The following ACVR1 variants were observed in gnomAD, a reference collection of about 807,000 sequenced individuals.
ACVR1 encodes the protein activin receptor type-1.
A neutral mutation model predicts 57.1 loss-of-function variants in ACVR1; 38 were observed. The ratio of observed to expected loss-of-function variants is 0.67; its 90% CI spans 0.51 to 0.87. The LOEUF is 0.87. ACVR1 is among the 40% of genes least tolerant of loss of function. The probability of loss-of-function intolerance (pLI) is 0.00; values close to 1 mark genes in which losing one functional copy is unlikely to be tolerated. For synonymous variants in ACVR1, 212 were observed against 228.1 expected (o/e 0.93, Z 0.63); for missense variants, 463 against 638.2 (o/e 0.73, Z 2.96).
At chr2:157,744,305 G>C (rs1684881895) in intron 9 of ACVR1, among the ~76,000 whole-genome samples, 1 of 152,102 alleles carries the variant, frequency 6.6e-6, no homozygotes, top group Admixed American at 6.6e-5. Context: ...AGCTATTTTA[G>C]AGAGGGAAAA....
At chr2:157,809,851 G>C (rs1364533349) in intron 2 of ACVR1, among the ~76,000 whole-genome samples, 2 of 152,090 alleles carry the variant, frequency 1.3e-5, no homozygotes, top group African/African-American at 4.8e-5. Flanking sequence ...GAGGCAGGAG[G>C]ATCACTTGAG....
chr2:157,767,449 T>C (rs1401268737), intron 7 of ACVR1, among the ~76,000 whole-genome samples: 1 of 152,178 alleles, frequency 6.6e-6, no homozygotes, highest in African/African-American at 2.4e-5. Flanking sequence ...TTGCCTTTTC[T>C]GCTACAGAGG....
intron 1 of ACVR1, among the ~76,000 whole-genome samples, chr2:157,860,784 G>A (rs557433118): frequency 3.6e-4 from 54 of 152,086 alleles, no homozygotes; most frequent in Non-Finnish European, 6.3e-4. Flanking sequence ...CTCCTTTGCA[G>A]GTGGTCGACT....
At chr2:157,747,816 A>G (rs1175735825) in intron 9 of ACVR1, among the ~76,000 whole-genome samples, 1 of 152,084 alleles carries the variant, frequency 6.6e-6, no homozygotes, top group Non-Finnish European at 1.5e-5. Context: ...ACAGAGAACA[A>G]AAGAGAAAAT....
intron 1 of ACVR1, among the ~76,000 whole-genome samples, chr2:157,858,551 A>T (rs1410091480): frequency 2.0e-5 from 3 of 152,164 alleles, no homozygotes; most frequent in African/African-American, 4.8e-5. Context: ...GGCTCACTGC[A>T]ACCTCCATCT....
At chr2:157,854,760 G>A (rs908007172) in intron 1 of ACVR1, among the ~76,000 whole-genome samples, 5 of 150,768 alleles carry the variant, frequency 3.3e-5, no homozygotes, top group Non-Finnish European at 7.4e-5. Context: ...TTCAGGCCGG[G>A]TGCGACCGAT....
Position 157,780,372 on chromosome 2 carries a change from C to T in ACVR1, c.296G>A (p.Cys99Tyr). 1 of 1,614,182 alleles carries T rather than the reference C, an allele frequency of 6.2e-7. No homozygotes were observed. The highest frequency in any genetic ancestry group is 8.5e-7 in the Non-Finnish European group (1 of 1,180,012). ...QAVECCQGDW[C>Y]NRNITAQLPT... The stretch of plus-strand genomic sequence containing the variant: ...CAGCTGGGCCGTGATGTTCCTGTTA[C>T]ACCAGTCCCCTTGGCAGCACTCCAC... Residue 99 changes from cysteine (C) to tyrosine (Y), a missense_variant, in exon 4 of 11, where the codon TGT becomes TAT. Around this residue, in one of 3 missense-constraint regions of ACVR1, gnomAD observed 203 missense variants for 235.5 expected, o/e 0.86. Coordinates refer to ENST00000434821, the MANE Select transcript of ACVR1 (RefSeq NM_001111067.4).
chr2:157,780,488 G>C lies in ACVR1; in HGVS notation c.180C>G (p.Asn60Lys). 6.2e-7 allele frequency: 1 copy of C among 1,614,124 alleles called. No individual in the cohort carries two copies. The highest frequency in any genetic ancestry group is 8.5e-7 in the Non-Finnish European group (1 of 1,180,018). ...CTTTCTGGTAGACGTGGAAGCCATC[G>C]TTGATGCTCAGTGAGGAAAAGCACT... ...GQQCFSSLSI[N>K]DGFHVYQKGC... is the part of the protein sequence containing the mutation. The change falls in exon 4 of 11, where the codon AAC (asparagine) becomes AAG (lysine). Residue 60 changes from asparagine to lysine, a missense_variant. Asn to Lys is a moderately conservative substitution (Grantham distance 94). This residue lies in a region of ACVR1 where 203 missense variants were observed against 235.5 expected (regional missense o/e 0.86). Coordinates refer to ENST00000434821, the MANE Select transcript of ACVR1 (RefSeq NM_001111067.4).
intron 7 of ACVR1, among the ~76,000 whole-genome samples, chr2:157,766,569 A>C (rs1685868376): frequency 6.6e-6 from 1 of 152,228 alleles, no homozygotes; most frequent in Non-Finnish European, 1.5e-5. Context: ...AAGAACATCA[A>C]ATCTAAAACC....
chr2:157,832,212 A>G (rs1396322402), intron 1 of ACVR1, among the ~76,000 whole-genome samples: 1 of 151,864 alleles, frequency 6.6e-6, no homozygotes, highest in African/African-American at 2.4e-5. Context: ...GGCAGACACC[A>G]CCCCCCAATC....
chr2:157,874,049 T>G (rs1436732764), intron 1 of ACVR1, among the ~76,000 whole-genome samples: 1 of 152,134 alleles, frequency 6.6e-6, no homozygotes, highest in East Asian at 1.9e-4. Context: ...AACCACCCTC[T>G]CCATTTCAAG....
chr2:157,754,413 G>A (rs897614548), intron 9 of ACVR1, among the ~76,000 whole-genome samples: 1 of 152,074 alleles, frequency 6.6e-6, no homozygotes, highest in African/African-American at 2.4e-5. Context: ...AATTAGAAAC[G>A]AAATGGGAAA....
chr2:157,778,444 C>G, intron 4 of ACVR1, 102 bp from the exon 5 acceptor site: 1 of 961,696 alleles, frequency 1.0e-6, no homozygotes, highest in South Asian at 1.4e-5. Flanking sequence ...CCTGACCACA[C>G]AGTCTCACAA....
intron 2 of ACVR1, among the ~76,000 whole-genome samples, chr2:157,811,721 C>T (rs1329642443): frequency 6.6e-6 from 1 of 152,152 alleles, no homozygotes; most frequent in East Asian, 1.9e-4. Flanking sequence ...ATTATTCCTC[C>T]TTCAAATATC....
chr2:157,790,483 A>T (rs1686870967), intron 3 of ACVR1, among the ~76,000 whole-genome samples: 1 of 152,222 alleles, frequency 6.6e-6, no homozygotes, highest in Non-Finnish European at 1.5e-5. Context: ...ACAGGAACAA[A>T]GGGCCAGCTA....
chr2:157,858,471 CTTTT>C (rs906684068), intron 1 of ACVR1, among the ~76,000 whole-genome samples: 3 of 152,046 alleles, frequency 2.0e-5, no homozygotes, highest in African/African-American at 7.2e-5. Flanking sequence ...TGTTTTTCTT[CTTTT>C]TATTTTTATT....
chr2:157,846,235 A>G (rs1029885258), intron 1 of ACVR1, among the ~76,000 whole-genome samples: 2 of 152,218 alleles, frequency 1.3e-5, no homozygotes, highest in Admixed American at 6.5e-5. Flanking sequence ...TTGAAGATGG[A>G]GGAAGAGCCA....
At position 157,826,854 on chromosome 2, in the gene ACVR1, G is replaced by A. The variant is rs1688399736; in HGVS notation, c.-182-8295C>T. Among the ~76,000 whole-genome samples the A allele has an allele frequency of 1.8e-5, 2 of 114,178 alleles. 1 individual carries two copies. Among genetic ancestry groups the A allele is most frequent in the Admixed American group, 1.9e-4 (2 of 10,436 alleles). The allele number at this position is 114,178 out of a possible 152,430, so 74.9% of individuals were successfully genotyped here. ...GAGAGGGGAGAGGGGAAAAGGAAAA[G>A]AAGAAGGAAGGGAAAGGAAAGGAAA... On this transcript the variant is annotated intron_variant, in intron 1 of 10. Transcript: ENST00000434821.
rs1490821562 is a variant in ACVR1 at position 157,876,207 on chromosome 2, G to A, written c.-594C>T. 6.6e-6 allele frequency among the ~76,000 whole-genome samples: 1 copy of A among 150,684 alleles called. No individual in the cohort carries two copies. The highest frequency in any genetic ancestry group is 1.5e-5 in the Non-Finnish European group (1 of 67,342). ...AGGCTCGGGCTGGGAGCACGACCGCGGGCGGGGCGGGCGGACCAGCTGGGC... is the reference window on the plus strand; with the variant it reads ...AGGCTCGGGCTGGGAGCACGACCGCAGGCGGGGCGGGCGGACCAGCTGGGC... On this transcript the variant is annotated 5_prime_UTR_variant, in exon 1 of 11. Coordinates refer to ENST00000434821, the MANE Select transcript of ACVR1 (RefSeq NM_001111067.4).
Sources: gnomAD v4.1 joint callset for allele counts (sites outside exome capture counted in the v4.1 genomes callset) on GRCh38, gnomAD v4.1.1 for gene constraint, gnomAD v4.1.1 regional missense constraint, MANE v1.5 for transcripts, NCBI Gene and HGNC (gene_info 2026-07-23, HGNC 2026-07-21) for gene names.